Variants in NPHP1 observed in about 807,000 individuals in gnomAD.
The protein encoded by NPHP1 is nephrocystin-1.
In NPHP1, 70 loss-of-function variants were observed where a neutral mutation model predicts 90.4. The observed-to-expected ratio is 0.77, with a 90% confidence interval of 0.64 to 0.95. The LOEUF is 0.95. Ranked by LOEUF, NPHP1 falls within the 40% of genes least tolerant of loss-of-function variation. The probability of loss-of-function intolerance (pLI) is 0.00; values close to 1 mark genes in which losing one functional copy is unlikely to be tolerated. For missense variants in NPHP1, 764 were observed against 795.9 expected, an observed-to-expected ratio of 0.96 and a Z score of 0.48; for synonymous variants, 256 against 271.7, an observed-to-expected ratio of 0.94 and a Z score of 0.57.
chr2:110,144,481 T>G lies in NPHP1; in HGVS notation c.1429+12A>C, dbSNP rs555982997. The G allele has an allele frequency of 8.4e-6, 13 of 1,552,700 alleles. No homozygotes were observed. The highest frequency in any genetic ancestry group is 1.2e-5 in the Non-Finnish European group (13 of 1,124,158). Reference sequence around the variant, plus strand: ...TCTTTAAGGAAAGGAAGACAACACATGAGAGCCATACCTCTTCTGGATATT... The same window carrying G: ...TCTTTAAGGAAAGGAAGACAACACAGGAGAGCCATACCTCTTCTGGATATT... On this transcript the variant is annotated intron_variant, in intron 15 of 19. Transcript: ENST00000445609.
chr2:110,186,878 A>AAATCACAC (rs1268557072), intron 2 of NPHP1, among the ~76,000 whole-genome samples: 1 of 152,160 alleles, frequency 6.6e-6, no homozygotes, highest in African/African-American at 2.4e-5. Context: ...AATCCAGTCA[A>AAATCACAC]AATCACACAA....
At chr2:110,157,998 A>G (rs1225671465) in intron 11 of NPHP1, among the ~76,000 whole-genome samples, 1 of 152,136 alleles carries the variant, frequency 6.6e-6, no homozygotes, top group Non-Finnish European at 1.5e-5. Context: ...GATATGTTGC[A>G]TTTTCATTTT....
chr2:110,143,408 T>A (rs1680791069), intron 16 of NPHP1, 134 bp downstream of exon 16: 2 of 701,970 alleles, frequency 2.8e-6, no homozygotes, highest in East Asian at 5.5e-5. Flanking sequence ...CTACTGACCT[T>A]TGGGGGAAGA....
chr2:110,172,727 T>C (rs1265962933), intron 4 of NPHP1, among the ~76,000 whole-genome samples: 3 of 152,072 alleles, frequency 2.0e-5, no homozygotes, highest in Admixed American at 2.0e-4. Flanking sequence ...GACGTTGCAG[T>C]GAGCCAAGAT....
chr2:110,184,841 T>C, intron 2 of NPHP1: 3 of 702,564 alleles, frequency 4.3e-6, no homozygotes, highest in South Asian at 4.1e-5. Context: ...TCCTTCCCAA[T>C]TCCGGGCCCC....
intron 6 of NPHP1, 49 bp from the exon 7 acceptor site, chr2:110,165,204 A>C: frequency 7.0e-7 from 1 of 1,426,180 alleles, no homozygotes. Context: ...TGCAAAAAAC[A>C]ACCAATAAAA....
At chr2:110,165,757 CA>C in intron 6 of NPHP1, among the ~76,000 whole-genome samples, 1 of 151,922 alleles carries the variant, frequency 6.6e-6, no homozygotes, top group African/African-American at 2.4e-5. Flanking sequence ...TCTTAGAAAT[CA>C]ATGAAAGAGT....
chr2:110,184,825 G>C (rs2104639438), intron 2 of NPHP1: 4 of 708,446 alleles, frequency 5.6e-6, no homozygotes, highest in Non-Finnish European at 1.1e-5. Context: ...GCACCATTGA[G>C]ATTGGTCCTT....
intron 17 of NPHP1, among the ~76,000 whole-genome samples, chr2:110,131,464 C>T (rs549241848): frequency 1.3e-5 from 2 of 152,276 alleles, no homozygotes; most frequent in African/African-American, 4.8e-5. Flanking sequence ...TGTGAAAATA[C>T]ATATGTTTGA....
chr2:110,199,816 T>G (rs1685441886), intron 2 of NPHP1, among the ~76,000 whole-genome samples: 1 of 152,162 alleles, frequency 6.6e-6, no homozygotes, highest in Non-Finnish European at 1.5e-5. Context: ...ACATGAGTTT[T>G]CAAACTGAAA....
At chr2:110,161,278 C>CA (rs1397142258) in intron 10 of NPHP1, among the ~76,000 whole-genome samples, 5 of 152,220 alleles carry the variant, frequency 3.3e-5, no homozygotes, top group Non-Finnish European at 7.4e-5. Context: ...ACATAATTAT[C>CA]AAAATAACTT....
intron 12 of NPHP1, 42 bp downstream of exon 12, chr2:110,150,132 ATGTTCTAC>A: frequency 7.8e-7 from 1 of 1,275,698 alleles, no homozygotes; most frequent in Non-Finnish European, 1.1e-6. Context: ...AAATATGAAT[ATGTTCTAC>A]TTTGAAATTC....
chr2:110,189,169 G>T (rs1471541087), intron 2 of NPHP1, among the ~76,000 whole-genome samples: 1 of 152,086 alleles, frequency 6.6e-6, no homozygotes, highest in Non-Finnish European at 1.5e-5. Flanking sequence ...TCAAACTAAA[G>T]AACTTTTGCA....
At chr2:110,152,142 G>C (rs908250069) in intron 11 of NPHP1, among the ~76,000 whole-genome samples, 11 of 152,064 alleles carry the variant, frequency 7.2e-5, no homozygotes, top group African/African-American at 2.7e-4. Flanking sequence ...CAGAGATTTC[G>C]TTCAGCAAAC....
Position 110,169,854 on chromosome 2 carries a change from G to A in NPHP1, c.474C>T (p.Ile158=), listed in dbSNP as rs1253817401. ...SHKWSTGEEY[I]AVGDFTAQQV... is the part of the protein sequence containing the mutation. ...GCTGAGCAGTAAAATCTCCAACAGC[G>A]ATGTATTCTTCACCGGTTGACCATT... is the stretch of plus-strand genomic sequence containing the variant. Residue 158 remains isoleucine (I), a synonymous_variant, in exon 5 of 20, where the codon ATC becomes ATT. Coordinates refer to ENST00000445609, the MANE Select transcript of NPHP1 (RefSeq NM_001128178.3). 13 of 1,613,476 alleles carry A rather than the reference G, an allele frequency of 8.1e-6. No individual in the cohort carries two copies. The highest frequency in any genetic ancestry group is 1.3e-5 in the African/African-American group (1 of 74,830).
intron 1 of NPHP1, among the ~76,000 whole-genome samples, chr2:110,204,232 G>T (rs1685764505): frequency 6.6e-6 from 1 of 152,136 alleles, no homozygotes; most frequent in Admixed American, 6.5e-5. Context: ...CAGTGAATGT[G>T]CCTGCTTCAT....
At chr2:110,195,778 A>G (rs1206248289) in intron 2 of NPHP1, among the ~76,000 whole-genome samples, 1 of 152,142 alleles carries the variant, frequency 6.6e-6, no homozygotes, top group Non-Finnish European at 1.5e-5. Flanking sequence ...AGTAACCAAA[A>G]CAGCATGGTA....
intron 4 of NPHP1, chr2:110,178,182 ATC>A (rs1683638522): frequency 3.9e-6 from 2 of 517,604 alleles, no homozygotes; most frequent in East Asian, 3.0e-5. Context: ...AGCTTTTCAG[ATC>A]TCTGTTTTGT....
intron 16 of NPHP1, among the ~76,000 whole-genome samples, chr2:110,133,660 A>T (rs1211231512): frequency 2.0e-5 from 3 of 152,148 alleles, no homozygotes; most frequent in Non-Finnish European, 2.9e-5. Context: ...AAATTTAAAA[A>T]TATTGAAATC....
Sources: allele counts gnomAD v4.1 joint callset (sites outside exome capture counted in the v4.1 genomes callset), GRCh38; gene constraint gnomAD v4.1.1; transcripts MANE v1.5; gene names NCBI Gene and HGNC (gene_info 2026-07-23, HGNC 2026-07-21).